Variants in CUBN observed in about 807,000 individuals in gnomAD.
CUBN encodes the protein 460 kDa receptor.
CUBN carries 282 observed loss-of-function variants against 405.3 expected under a neutral mutation model. The ratio of observed to expected loss-of-function variants is 0.70; its 90% confidence interval spans 0.63 to 0.77. CUBN has a LOEUF of 0.77. CUBN is among the 30% of genes least tolerant of loss of function. CUBN has a pLI of 0.00. For synonymous variants in CUBN, 1,684 were observed against 1,617.0 expected (o/e 1.04, Z -0.99); for missense variants, 4,514 against 4,475.2 (o/e 1.01, Z -0.25).
intron 40 of CUBN, among the ~76,000 whole-genome samples, chr10:16,928,779 C>T (rs1021141958): frequency 6.6e-6 from 1 of 152,006 alleles, no homozygotes; most frequent in Non-Finnish European, 1.5e-5. Context: ...GATCCGCCCT[C>T]CTCAGCCTCC....
intron 8 of CUBN, among the ~76,000 whole-genome samples, chr10:17,112,138 A>G (rs1479739860): frequency 6.6e-6 from 1 of 152,220 alleles, no homozygotes; most frequent in East Asian, 1.9e-4. Context: ...TATAATTCAA[A>G]TTATTAAAAT....
intron 60 of CUBN, among the ~76,000 whole-genome samples, chr10:16,846,455 A>T (rs895723072): frequency 6.6e-6 from 1 of 152,102 alleles, no homozygotes; most frequent in Non-Finnish European, 1.5e-5. Context: ...TGATTTTCTG[A>T]AATTACATTA....
At chr10:17,056,219 T>C (rs898704849) in intron 22 of CUBN, among the ~76,000 whole-genome samples, 1 of 152,044 alleles carries the variant, frequency 6.6e-6, no homozygotes, top group African/African-American at 2.4e-5. Flanking sequence ...AACAATTAAA[T>C]ACCATTTGCT....
At chr10:16,958,015 T>C (rs1843119824) in intron 31 of CUBN, among the ~76,000 whole-genome samples, 2 of 152,168 alleles carry the variant, frequency 1.3e-5, no homozygotes, top group Admixed American at 6.5e-5. Context: ...TAAGTACATA[T>C]TGTTTCTTCC....
chr10:16,831,186 C>CT lies in CUBN; in HGVS notation c.10528+65dup, dbSNP rs1402862935. On this transcript the variant is annotated intron_variant, in intron 65 of 66. Transcript: ENST00000377833. ...AGCTAAAAATATAAAGTTACTTTGC[C>CT]TTTTACTATTAGACACCTCATGTTT... 31 of 1,418,076 alleles carry CT rather than the reference C, an allele frequency of 2.2e-5. No individual in the cohort carries two copies. In the African/African-American group the frequency reaches 3.1e-4, roughly 14 times the overall value. 87.8% of individuals were successfully genotyped at this position (1,418,076 alleles called of 1,614,324 possible).
chr10:16,961,258 G>A (rs1305102673), intron 31 of CUBN, among the ~76,000 whole-genome samples: 1 of 152,020 alleles, frequency 6.6e-6, no homozygotes, highest in Non-Finnish European at 1.5e-5. Flanking sequence ...GTTTTGTAGA[G>A]AGGGGATTTT....
chr10:17,128,465 AC>A (rs1837249280), intron 2 of CUBN, among the ~76,000 whole-genome samples: 1 of 152,186 alleles, frequency 6.6e-6, no homozygotes. Flanking sequence ...GGAAATGAAA[AC>A]ACCCAGTAAG....
chr10:16,921,841 C>T (rs914092603), intron 43 of CUBN, among the ~76,000 whole-genome samples: 4 of 152,132 alleles, frequency 2.6e-5, no homozygotes, highest in African/African-American at 9.7e-5. Context: ...AGTCTAGATC[C>T]CTGTTCTGAC....
intron 29 of CUBN, among the ~76,000 whole-genome samples, chr10:16,986,918 A>G (rs988599109): frequency 8.5e-5 from 13 of 152,204 alleles, no homozygotes; most frequent in African/African-American, 2.9e-4. Flanking sequence ...TCTCTGCTCA[A>G]ACATCCCCTT....
chr10:16,866,951 C>T (rs1205592112), intron 59 of CUBN, among the ~76,000 whole-genome samples: 3 of 152,194 alleles, frequency 2.0e-5, no homozygotes, highest in Non-Finnish European at 4.4e-5. Context: ...ATAACAAATG[C>T]ACAAGGCGAA....
At chr10:16,890,090 G>A (rs1479789787) in intron 55 of CUBN, among the ~76,000 whole-genome samples, 1 of 152,112 alleles carries the variant, frequency 6.6e-6, no homozygotes, top group Non-Finnish European at 1.5e-5. Context: ...TGTTGCTAAC[G>A]AACTAGCCAT....
At chr10:16,863,875 T>A (rs1279217772) in intron 59 of CUBN, among the ~76,000 whole-genome samples, 1 of 152,182 alleles carries the variant, frequency 6.6e-6, no homozygotes. Flanking sequence ...AGAGACATTT[T>A]CCAGATGTTA....
At chr10:16,938,942 T>C (rs112299688) in intron 38 of CUBN, 21 bp downstream of exon 38, 9 of 1,593,248 alleles carry the variant, frequency 5.6e-6, no homozygotes, top group African/African-American at 1.3e-5. Flanking sequence ...TTATGAACAT[T>C]GATTGCATGT....
intron 59 of CUBN, among the ~76,000 whole-genome samples, chr10:16,865,538 T>A (rs912003980): frequency 1.3e-5 from 2 of 152,042 alleles, no homozygotes; most frequent in Non-Finnish European, 2.9e-5. Context: ...CTGGGTCAAG[T>A]GGGGACTTGG....
At chr10:16,914,699 G>A (rs1841833203) in intron 47 of CUBN, among the ~76,000 whole-genome samples, 1 of 151,182 alleles carries the variant, frequency 6.6e-6, no homozygotes, top group Admixed American at 6.6e-5. Flanking sequence ...TTAATGTTAA[G>A]TACCCAGTTT....
At chr10:16,890,606 G>A in intron 54 of CUBN, 79 bp from the exon 55 acceptor site, 1 of 1,381,392 alleles carries the variant, frequency 7.2e-7, no homozygotes, top group Non-Finnish European at 1.0e-6. Flanking sequence ...TCAAAATAAT[G>A]GCACTCACAC....
chr10:16,828,613 G>A (rs1437915342), intron 66 of CUBN, among the ~76,000 whole-genome samples, 192 bp downstream of exon 66: 1 of 152,036 alleles, frequency 6.6e-6, no homozygotes, highest in Admixed American at 6.6e-5. Flanking sequence ...AGCTACTCAG[G>A]AGGCTGAGGC....
intron 48 of CUBN, among the ~76,000 whole-genome samples, chr10:16,911,138 C>T (rs1841718166): frequency 6.6e-6 from 1 of 152,142 alleles, no homozygotes; most frequent in Non-Finnish European, 1.5e-5. Context: ...TAGAGATGCA[C>T]ATCTGGGGTG....
At chr10:16,833,974 A>C (rs1839090513) in intron 64 of CUBN, among the ~76,000 whole-genome samples, 1 of 152,230 alleles carries the variant, frequency 6.6e-6, no homozygotes, top group Admixed American at 6.5e-5. Flanking sequence ...TGTGTGGTAC[A>C]AAGCCAGTTT....
Sources: gnomAD v4.1 joint callset for allele counts (sites outside exome capture counted in the v4.1 genomes callset) on GRCh38, gnomAD v4.1.1 for gene constraint, MANE v1.5 for transcripts, NCBI Gene and HGNC (gene_info 2026-07-23, HGNC 2026-07-21) for gene names.